The following MARK1 variants were observed in gnomAD, a reference collection of about 807,000 sequenced individuals.
The protein encoded by MARK1 is microtubule affinity regulating kinase 1.
MARK1 carries 40 observed loss-of-function variants against 96.3 expected under a neutral mutation model. The observed-to-expected ratio is 0.42, with a 90% CI of 0.32 to 0.54. The LOEUF (loss-of-function observed/expected upper bound fraction) is 0.54. Ranked by LOEUF, MARK1 falls within the 20% of genes least tolerant of loss-of-function variation. MARK1 has a pLI of 0.16. For synonymous variants in MARK1, 317 were observed against 341.2 expected (o/e 0.93, Z 0.78); for missense variants, 719 against 984.6 (o/e 0.73, Z 3.61).
At chr1:220,558,171 ATAATAATAT>A (rs200400221) in intron 1 of MARK1, among the ~76,000 whole-genome samples, 1 of 142,604 alleles carries the variant, frequency 7.0e-6, no homozygotes, top group Admixed American at 7.0e-5. Context: ...AATAATAATA[ATAATAATAT>A]GGGAAATGGC....
chr1:220,550,413 T>TG (rs1661780950), intron 1 of MARK1, among the ~76,000 whole-genome samples: 1 of 152,186 alleles, frequency 6.6e-6, no homozygotes, highest in Non-Finnish European at 1.5e-5. Context: ...AGTGCAGTGA[T>TG]GGGAACATGG....
intron 3 of MARK1, among the ~76,000 whole-genome samples, chr1:220,594,439 A>G (rs760562851): frequency 6.6e-6 from 1 of 152,236 alleles, no homozygotes; most frequent in Non-Finnish European, 1.5e-5. Flanking sequence ...CAAATGGTAC[A>G]GCCACTTTAG....
chr1:220,538,064 A>C (rs1660851585), intron 1 of MARK1, among the ~76,000 whole-genome samples: 1 of 152,092 alleles, frequency 6.6e-6, no homozygotes, highest in South Asian at 2.1e-4. Flanking sequence ...TTTGCTGTGC[A>C]GAAGCTCTTT....
intron 1 of MARK1, among the ~76,000 whole-genome samples, chr1:220,550,904 A>T (rs921858060): frequency 6.6e-6 from 1 of 152,206 alleles, no homozygotes; most frequent in African/African-American, 2.4e-5. Flanking sequence ...GCTTTTACTA[A>T]GGGATTATAC....
At chr1:220,577,945 G>C (rs569620694) in intron 1 of MARK1, among the ~76,000 whole-genome samples, 7 of 152,252 alleles carry the variant, frequency 4.6e-5, no homozygotes, top group African/African-American at 1.7e-4. Flanking sequence ...TTAATCCTGA[G>C]CTGAGTTTTA....
chr1:220,622,545 G>A (rs1221462727), intron 9 of MARK1, among the ~76,000 whole-genome samples: 1 of 152,096 alleles, frequency 6.6e-6, no homozygotes, highest in East Asian at 1.9e-4. Context: ...TTTTACAAAG[G>A]TTGAAATCAT....
intron 9 of MARK1, among the ~76,000 whole-genome samples, chr1:220,623,185 C>T (rs1007155980): frequency 9.2e-5 from 14 of 152,112 alleles, no homozygotes; most frequent in African/African-American, 3.4e-4. Context: ...CCTGAGACCA[C>T]CCAGACTCGG....
chr1:220,542,220 G>T (rs955704842), intron 1 of MARK1, among the ~76,000 whole-genome samples: 1 of 152,020 alleles, frequency 6.6e-6, no homozygotes, highest in African/African-American at 2.4e-5. Flanking sequence ...CTTATTTTAT[G>T]ATTTCATCTT....
intron 9 of MARK1, among the ~76,000 whole-genome samples, chr1:220,619,624 T>C (rs1042540108): frequency 1.3e-5 from 2 of 152,238 alleles, no homozygotes; most frequent in Non-Finnish European, 1.5e-5. Context: ...TGTGAGGTTA[T>C]TTATAATAAT....
intron 1 of MARK1, among the ~76,000 whole-genome samples, chr1:220,539,998 G>A (rs1558244623): frequency 6.6e-6 from 1 of 152,036 alleles, no homozygotes; most frequent in Non-Finnish European, 1.5e-5. Context: ...GAAGCCATCT[G>A]GTCTTGGGCT....
chr1:220,632,116 A>G (rs770998472), intron 10 of MARK1, 85 bp from the exon 11 acceptor site: 59 of 592,382 alleles, frequency 1.0e-4, no homozygotes, highest in Middle Eastern at 4.7e-4. Flanking sequence ...TTTCATATTC[A>G]AAGATGGCAA....
At chr1:220,625,693 A>G (rs1667285131) in intron 9 of MARK1, 1 of 368,164 alleles carries the variant, frequency 2.7e-6, no homozygotes, top group Non-Finnish European at 5.4e-6. Flanking sequence ...CATACCTTAA[A>G]CATTACTGTT....
intron 3 of MARK1, among the ~76,000 whole-genome samples, chr1:220,590,636 A>AACAC (rs1293540696): frequency 6.6e-6 from 1 of 152,168 alleles, no homozygotes; most frequent in African/African-American, 2.4e-5. Context: ...CCAGCTGACA[A>AACAC]TTCAAGTGTT....
rs1667655259 is a variant in MARK1 at position 220,631,072 on chromosome 1, A to C, written c.947A>C (p.Glu316Ala). The C allele has an allele frequency of 2.5e-6, 4 of 1,613,078 alleles. No individual in the cohort carries two copies. In the East Asian group the frequency reaches 8.9e-5, roughly 36 times the overall value. Reference sequence around the variant, plus strand: ...GATCGATGGATGAATGTTGGTCATGAAGAGGAAGAACTAAAGCCATATACT... The same window carrying C: ...GATCGATGGATGAATGTTGGTCATGCAGAGGAAGAACTAAAGCCATATACT... ...MKDRWMNVGHEEEELKPYTEP... is the reference protein window; with the variant it reads ...MKDRWMNVGHAEEELKPYTEP... The change falls in exon 10 of 18, where the codon GAA becomes GCA. Residue 316 changes from glutamate to alanine, a missense_variant. This residue lies in a region of MARK1 where 501 missense variants were observed against 588.3 expected (regional missense o/e 0.85). Transcript: ENST00000366917.
At chr1:220,625,458 A>G (rs113946552) in intron 9 of MARK1, among the ~76,000 whole-genome samples, 77 of 152,342 alleles carry the variant, frequency 5.1e-4, no homozygotes, top group African/African-American at 1.8e-3. Flanking sequence ...ATTAACAGGT[A>G]AACCAAAATA....
chr1:220,640,744 G>A (rs935997855), intron 13 of MARK1, among the ~76,000 whole-genome samples: 2 of 152,094 alleles, frequency 1.3e-5, no homozygotes, highest in African/African-American at 2.4e-5. Context: ...GAGGTCAAGA[G>A]GGCACATGCA....
chr1:220,573,850 A>G (rs536133101), intron 1 of MARK1, among the ~76,000 whole-genome samples: 3 of 151,334 alleles, frequency 2.0e-5, no homozygotes, highest in East Asian at 1.9e-4. Flanking sequence ...ATATTGTAGT[A>G]TATATGTAGT....
intron 11 of MARK1, among the ~76,000 whole-genome samples, 181 bp downstream of exon 11, chr1:220,632,494 T>G (rs1438362340): frequency 1.3e-5 from 2 of 152,168 alleles, no homozygotes; most frequent in Non-Finnish European, 2.9e-5. Context: ...CCAAGAGAGA[T>G]TTTATGAAAG....
intron 1 of MARK1, among the ~76,000 whole-genome samples, chr1:220,538,035 T>C (rs1310607240): frequency 1.3e-5 from 2 of 152,136 alleles, no homozygotes; most frequent in Non-Finnish European, 2.9e-5. Flanking sequence ...GTTACCTGTT[T>C]ACTCTGATGG....
Sources: allele counts gnomAD v4.1 joint callset (sites outside exome capture counted in the v4.1 genomes callset), GRCh38; gene constraint gnomAD v4.1.1; regional missense constraint gnomAD v4.1.1; transcripts MANE v1.5; gene names NCBI Gene and HGNC (gene_info 2026-07-23, HGNC 2026-07-21).